CBFB: variants seen among roughly 807,000 people sequenced by gnomAD.
CBFB encodes the protein core-binding factor subunit beta.
Under a neutral mutation model 30.4 loss-of-function variants are expected in CBFB, and 9 were observed. The ratio of observed to expected loss-of-function variants is 0.30; its 90% confidence interval spans 0.18 to 0.52. The LOEUF is 0.52. CBFB is among the 20% of genes least tolerant of loss of function. The probability of loss-of-function intolerance (pLI) is 0.97; values close to 1 mark genes in which losing one functional copy is unlikely to be tolerated. For missense variants in CBFB, 170 were observed against 244.0 expected, an observed-to-expected ratio of 0.70 and a Z score of 2.02; for synonymous variants, 94 against 84.0, an observed-to-expected ratio of 1.12 and a Z score of -0.65.
rs563445760 is a variant in CBFB, at chr16:67,083,620, A to G, written c.495+1312A>G. Among the ~76,000 whole-genome samples, 9 of 151,806 alleles carry G rather than the reference A, an allele frequency of 5.9e-5. No homozygotes were observed. In the East Asian group the frequency reaches 1.6e-3, roughly 26 times the overall value. On this transcript the variant is annotated intron_variant, in intron 5 of 5. Coordinates refer to ENST00000412916, the MANE Select transcript of CBFB (RefSeq NM_022845.3). The stretch of plus-strand genomic sequence containing the variant: ...GCCCATTATTTCAGTTTTTATAGTT[A>G]ATTTATGTCTTGTGTTTCTTTAGTT...
intron 4 of CBFB, among the ~76,000 whole-genome samples, chr16:67,076,843 G>GT (rs947232829): frequency 7.9e-5 from 12 of 151,890 alleles, no homozygotes; most frequent in African/African-American, 2.9e-4. Flanking sequence ...AACTAGGTTG[G>GT]TTTTAGCATA....
At chr16:67,053,218 T>A (rs968972509) in intron 3 of CBFB, among the ~76,000 whole-genome samples, 1 of 150,874 alleles carries the variant, frequency 6.6e-6, no homozygotes, top group Non-Finnish European at 1.5e-5. Context: ...CAGGGCAGTG[T>A]AAACAACGGA....
chr16:67,097,049 A>C (rs1204948291), intron 5 of CBFB, among the ~76,000 whole-genome samples: 1 of 151,852 alleles, frequency 6.6e-6, no homozygotes, highest in Non-Finnish European at 1.5e-5. Context: ...AGCCCTGGCA[A>C]CATGGTGAAA....
chr16:67,051,009 T>C (rs1361085430), intron 3 of CBFB, among the ~76,000 whole-genome samples: 1 of 152,146 alleles, frequency 6.6e-6, no homozygotes, highest in African/African-American at 2.4e-5. Context: ...AACTTATGAA[T>C]TGTTTATTTC....
chr16:67,050,172 A>G (rs1279288036), intron 3 of CBFB, among the ~76,000 whole-genome samples: 2 of 148,156 alleles, frequency 1.3e-5, no homozygotes, highest in Non-Finnish European at 3.0e-5. Context: ...TATATCATAT[A>G]TAAATTATAT....
intron 3 of CBFB, among the ~76,000 whole-genome samples, 169 bp downstream of exon 3, chr16:67,036,924 G>A (rs1324635970): frequency 2.0e-5 from 3 of 150,496 alleles, no homozygotes; most frequent in South Asian, 2.1e-4. Context: ...TTTTAATGGC[G>A]TTTCGCTCTT....
At chr16:67,073,468 G>C (rs1961292397) in intron 4 of CBFB, among the ~76,000 whole-genome samples, 1 of 152,214 alleles carries the variant, frequency 6.6e-6, no homozygotes, top group Non-Finnish European at 1.5e-5. Context: ...CATGTGACCA[G>C]ATGCAGTGGC....
chr16:67,086,175 C>T (rs1961727940), intron 5 of CBFB, among the ~76,000 whole-genome samples: 1 of 152,168 alleles, frequency 6.6e-6, no homozygotes, highest in Admixed American at 6.5e-5. Flanking sequence ...ACAAGACTTC[C>T]ACACCATGCC....
rs187102575 is a variant in CBFB at position 67,088,837 on chromosome 16, G to A, written c.495+6529G>A. ...CCTCCAGCCCTGCCATGCTAAACTT[G>A]TAACAGTGGTGCTCGTGAGTATTTA... On this transcript the variant is annotated intron_variant, in intron 5 of 5. Coordinates refer to ENST00000412916, the MANE Select transcript of CBFB (RefSeq NM_022845.3). Among the ~76,000 whole-genome samples the A allele has an allele frequency of 3.9e-5, 6 of 152,276 alleles. No homozygotes were observed. The East Asian group carries it at 1.2e-3, about 29-fold the overall frequency.
intron 2 of CBFB, chr16:67,030,202 A>G (rs1222108988): frequency 5.6e-6 from 1 of 177,544 alleles, no homozygotes; most frequent in Non-Finnish European, 1.2e-5. Context: ...GTTTCTTAGA[A>G]GGTAGATCTG....
At chr16:67,083,374 C>T (rs1287143400) in intron 5 of CBFB, among the ~76,000 whole-genome samples, 1 of 151,510 alleles carries the variant, frequency 6.6e-6, no homozygotes, top group African/African-American at 2.4e-5. Flanking sequence ...CGGCTCACTG[C>T]AGCCTCTGCC....
intron 3 of CBFB, among the ~76,000 whole-genome samples, chr16:67,060,296 A>C (rs1334619076): frequency 2.0e-5 from 3 of 152,162 alleles, no homozygotes; most frequent in African/African-American, 7.2e-5. Flanking sequence ...CAGCTCATTG[A>C]GATACAATTC....
chr16:67,096,776 C>T (rs1567627460), intron 5 of CBFB, among the ~76,000 whole-genome samples: 1 of 150,712 alleles, frequency 6.6e-6, no homozygotes, highest in Non-Finnish European at 1.5e-5. Flanking sequence ...AGATTGAGAC[C>T]ATCCTGGCTA....
In CBFB at chr16:67,029,782, A is replaced by G. The variant is rs917102275; in HGVS notation, c.134A>G (p.Gln45Arg). The change falls in exon 2 of 6, where the codon CAG becomes CGG. Residue 45 changes from glutamine (Q) to arginine (R), a missense_variant. Physicochemically the swap from Gln to Arg is conservative, Grantham distance 43. Transcript: ENST00000412916. ...CACGAGGAACGCCAGGCACGCTTCC[A>G]GAACGCCTGCCGCGACGGCCGCTCG... is the stretch of plus-strand genomic sequence containing the variant. ...RPHEERQARF[Q>R]NACRDGRSEI... The G allele has an allele frequency of 1.9e-6, 3 of 1,592,414 alleles. No individual in the cohort carries two copies. Among genetic ancestry groups the G allele is most frequent in the South Asian group, 1.1e-5 (1 of 88,672 alleles).
intron 3 of CBFB, among the ~76,000 whole-genome samples, chr16:67,046,745 G>A (rs1966634614): frequency 1.3e-5 from 2 of 152,162 alleles, no homozygotes; most frequent in African/African-American, 2.4e-5. Context: ...GAAAACGTTT[G>A]TAATTTCTTT....
At chr16:67,070,954 T>G (rs758814992) in intron 4 of CBFB, among the ~76,000 whole-genome samples, 4 of 152,146 alleles carry the variant, frequency 2.6e-5, no homozygotes, top group Non-Finnish European at 4.4e-5. Flanking sequence ...ATTTCCATAG[T>G]CCCCAAATTG....
chr16:67,083,899 T>C (rs1961640122), intron 5 of CBFB, among the ~76,000 whole-genome samples: 1 of 151,998 alleles, frequency 6.6e-6, no homozygotes, highest in Non-Finnish European at 1.5e-5. Context: ...CCAGATGCTA[T>C]GGCTCACACT....
intron 1 of CBFB, 62 bp downstream of exon 1, chr16:67,029,547 A>G: frequency 3.3e-6 from 5 of 1,501,850 alleles, no homozygotes; most frequent in Non-Finnish European, 4.5e-6. Context: ...CCGGGCGGAG[A>G]AAAGTTTGGG....
intron 5 of CBFB, among the ~76,000 whole-genome samples, chr16:67,092,933 G>A (rs1458561791): frequency 6.6e-6 from 1 of 151,730 alleles, no homozygotes; most frequent in Non-Finnish European, 1.5e-5. Flanking sequence ...GGCTGATCTC[G>A]AACTCCTCAC....
Sources: gnomAD v4.1 joint callset for allele counts (sites outside exome capture counted in the v4.1 genomes callset) on GRCh38, gnomAD v4.1.1 for gene constraint, MANE v1.5 for transcripts, NCBI Gene and HGNC (gene_info 2026-07-23, HGNC 2026-07-21) for gene names.